GRIA3: variants seen among roughly 807,000 people sequenced by gnomAD.
GRIA3 encodes glutamate receptor 3.
In GRIA3, 3 loss-of-function variants were observed where a neutral mutation model predicts 63.0. The observed-to-expected ratio is 0.05, with a 90% CI of 0.02 to 0.12. The LOEUF (loss-of-function observed/expected upper bound fraction) is 0.12. Ranked by LOEUF, GRIA3 falls within the 10% of genes least tolerant of loss-of-function variation. The probability of loss-of-function intolerance (pLI) is 1.00; values close to 1 mark genes in which losing one functional copy is unlikely to be tolerated. For missense variants in GRIA3, 347 were observed against 700.9 expected (o/e 0.50, Z 5.70); for synonymous variants, 274 against 257.9 (o/e 1.06, Z -0.60).
chrX:123,419,641 C>A (rs2045554247), intron 11 of GRIA3, among the ~76,000 whole-genome samples: 1 of 110,796 alleles, frequency 9.0e-6, no homozygotes, highest in South Asian at 3.8e-4. Context: ...CTGAGTAAAG[C>A]AAGTACAGGG....
chrX:123,386,871 C>T (rs905091671), intron 5 of GRIA3, among the ~76,000 whole-genome samples: 2 of 111,562 alleles, frequency 1.8e-5, no homozygotes, highest in Non-Finnish European at 3.8e-5. Flanking sequence ...CCTGGTGACA[C>T]ATCTTGAAGT....
In GRIA3 at chrX:123,427,750, T is replaced by C. The variant is rs753681065; in HGVS notation, c.1878-191T>C. On this transcript the variant is annotated intron_variant, in intron 11 of 15. Coordinates refer to ENST00000620443, the MANE Select transcript of GRIA3 (RefSeq NM_007325.5). ...GTATTATGCATGCACCATCATAGTA[T>C]GCCATCATGACATGGGGTATTGTTG... Among the ~76,000 whole-genome samples, 20 of 111,258 alleles carry C rather than the reference T, an allele frequency of 1.8e-4. 1 individual carries two copies. The South Asian group carries it at 7.8e-3, about 43-fold the overall frequency.
At position 123,217,427 on chromosome X, in the gene GRIA3, T is replaced by A. The variant is rs747569448; in HGVS notation, c.268+31437T>A. On this transcript the variant is annotated intron_variant, in intron 2 of 15. Transcript: ENST00000620443. ...GTAGACCAGCTTTATCCTTGACAAG[T>A]CCTTATCCCACTTTCAATACCCTCT... Among the ~76,000 whole-genome samples, 7 of 111,311 alleles carry A rather than the reference T, an allele frequency of 6.3e-5. No homozygotes were observed. The South Asian group carries it at 2.3e-3, about 37-fold the overall frequency.
intron 10 of GRIA3, 68 bp from the exon 11 acceptor site, chrX:123,417,334 C>G (rs902829533): frequency 4.4e-6 from 4 of 918,801 alleles, no homozygotes; most frequent in Non-Finnish European, 6.3e-6. Flanking sequence ...GTATATTAAG[C>G]GACAAATAAC....
intron 3 of GRIA3, among the ~76,000 whole-genome samples, chrX:123,260,831 C>T (rs2044455808): frequency 9.1e-6 from 1 of 110,411 alleles, no homozygotes; most frequent in East Asian, 2.9e-4. Context: ...TGGTAGTTTC[C>T]ACAGCCTGCC....
chrX:123,195,255 G>C (rs1300565508), intron 2 of GRIA3, among the ~76,000 whole-genome samples: 1 of 112,469 alleles, frequency 8.9e-6, no homozygotes, highest in Non-Finnish European at 1.9e-5. Flanking sequence ...CACATGGAAG[G>C]CACTGTGCTA....
chrX:123,221,202 G>T (rs754406332), intron 2 of GRIA3, among the ~76,000 whole-genome samples: 1 of 112,494 alleles, frequency 8.9e-6, no homozygotes, highest in South Asian at 3.7e-4. Flanking sequence ...GAAAGTAAAC[G>T]TGTGAATCAT....
intron 2 of GRIA3, among the ~76,000 whole-genome samples, chrX:123,230,347 C>A (rs2044269780): frequency 8.9e-6 from 1 of 112,036 alleles, no homozygotes; most frequent in South Asian, 3.7e-4. Flanking sequence ...CATATGCCCC[C>A]AGGACCTTGG....
At chrX:123,347,522 A>G (rs1469271511) in intron 4 of GRIA3, among the ~76,000 whole-genome samples, 3 of 112,308 alleles carry the variant, frequency 2.7e-5, no homozygotes, top group African/African-American at 6.5e-5. Context: ...TGCTGGAAGC[A>G]CTGCACAGAT....
intron 4 of GRIA3, among the ~76,000 whole-genome samples, chrX:123,348,680 C>T (rs2045070937): frequency 8.9e-6 from 1 of 111,927 alleles, no homozygotes; most frequent in South Asian, 3.8e-4. Flanking sequence ...ACCAAGGACT[C>T]TAGCTGATCA....
chrX:123,462,111 C>T (rs1259573240), intron 12 of GRIA3, among the ~76,000 whole-genome samples: 1 of 111,482 alleles, frequency 9.0e-6, no homozygotes, highest in Non-Finnish European at 1.9e-5. Flanking sequence ...ACCTCCATTG[C>T]TCCCACCCTA....
At chrX:123,409,075 T>C in intron 10 of GRIA3, among the ~76,000 whole-genome samples, 1 of 111,900 alleles carries the variant, frequency 8.9e-6, no homozygotes, top group Middle Eastern at 4.2e-3. Flanking sequence ...GGTTTGCAAG[T>C]TGCTTTAAAA....
At chrX:123,378,387 G>T (rs1342866018) in intron 5 of GRIA3, among the ~76,000 whole-genome samples, 1 of 107,888 alleles carries the variant, frequency 9.3e-6, no homozygotes, top group African/African-American at 3.4e-5. Context: ...GTTTTAGAGA[G>T]ACTCAGTATT....
At chrX:123,228,966 C>T (rs1165210492) in intron 2 of GRIA3, among the ~76,000 whole-genome samples, 1 of 111,882 alleles carries the variant, frequency 8.9e-6, no homozygotes, top group Non-Finnish European at 1.9e-5. Flanking sequence ...TTATTGAAGC[C>T]TGATTGCCAC....
chrX:123,356,980 G>A (rs1379418203), intron 5 of GRIA3, among the ~76,000 whole-genome samples: 1 of 111,745 alleles, frequency 8.9e-6, no homozygotes, highest in South Asian at 3.7e-4. Context: ...AGTAGGCAGG[G>A]AGAGCTTCAG....
intron 11 of GRIA3, 150 bp from the exon 12 acceptor site, chrX:123,427,791 T>G: frequency 2.0e-6 from 1 of 499,332 alleles, no homozygotes. Flanking sequence ...ATGTGACCTT[T>G]GTTTAATGTT....
At chrX:123,445,677 T>G (rs755278878) in intron 12 of GRIA3, among the ~76,000 whole-genome samples, 19 of 112,311 alleles carry the variant, frequency 1.7e-4, no homozygotes, top group Middle Eastern at 4.6e-3. Context: ...AATCCATTAA[T>G]CAGACAATTC....
chrX:123,291,615 T>C (rs2044656415), intron 3 of GRIA3, among the ~76,000 whole-genome samples: 1 of 111,051 alleles, frequency 9.0e-6, no homozygotes, highest in South Asian at 3.8e-4. Context: ...AGAGAAAGTA[T>C]AAAAGAATAA....
At chrX:123,463,784 GAA>G (rs367618290) in intron 12 of GRIA3, among the ~76,000 whole-genome samples, 3,299 of 101,920 alleles carry the variant, frequency 0.032, 340 homozygotes, top group African/African-American at 0.12. Context: ...GAAAGAAAAA[GAA>G]AGAGAAAGAA....
Sources: allele counts gnomAD v4.1 joint callset (sites outside exome capture counted in the v4.1 genomes callset), GRCh38; gene constraint gnomAD v4.1.1; transcripts MANE v1.5; gene names NCBI Gene and HGNC (gene_info 2026-07-23, HGNC 2026-07-21).